PCDHA3: variants seen among roughly 807,000 people sequenced by gnomAD.
PCDHA3 encodes the protein protocadherin alpha-3.
In PCDHA3, 41 loss-of-function variants were observed where a neutral mutation model predicts 62.2. That is an observed-to-expected ratio of 0.66 (90% CI 0.51 to 0.86). The LOEUF (loss-of-function observed/expected upper bound fraction) is 0.86. PCDHA3 is among the 40% of genes least tolerant of loss of function. The probability of loss-of-function intolerance (pLI) is 0.00; values close to 1 mark genes in which losing one functional copy is unlikely to be tolerated. For synonymous variants in PCDHA3, 640 were observed against 555.4 expected, an observed-to-expected ratio of 1.15 and a Z score of -2.14; for missense variants, 1,304 against 1,241.2, an observed-to-expected ratio of 1.05 and a Z score of -0.76.
At chr5:140,865,903 A>G (rs2049042220) in intron 1 of PCDHA3, 1 of 152,134 alleles carries the variant, frequency 6.6e-6, no homozygotes, top group Non-Finnish European at 1.5e-5. Flanking sequence ...GTACAGGCAA[A>G]TCTTTCTTTC....
chr5:140,825,585 G>A (rs1768643956), intron 1 of PCDHA3: 1 of 151,552 alleles, frequency 6.6e-6, no homozygotes, highest in Non-Finnish European at 1.5e-5. Flanking sequence ...CCCACACCTG[G>A]CTAATTTTTT....
intron 1 of PCDHA3, chr5:140,805,292 A>G: frequency 7.9e-7 from 1 of 1,272,422 alleles, no homozygotes; most frequent in Non-Finnish European, 9.9e-7. Context: ...AATGGGTGAA[A>G]ATGGAATTCT....
At chr5:140,856,434 C>G (rs551569829) in intron 1 of PCDHA3, 1 of 1,598,320 alleles carries the variant, frequency 6.3e-7, no homozygotes, top group South Asian at 1.1e-5. Context: ...AACGACAACC[C>G]GCCCAGGTTC....
chr5:140,804,886 C>T, intron 1 of PCDHA3: 2 of 637,768 alleles, frequency 3.1e-6, no homozygotes, highest in South Asian at 5.7e-5. Flanking sequence ...TGACTCCTCT[C>T]CTTCCCCTCA....
In PCDHA3 at chr5:140,803,528, TC is replaced by T. The variant is rs1581662345; in HGVS notation, c.2333del (p.Pro778LeufsTer35). On this transcript the variant is annotated frameshift_variant, in exon 1 of 4. Transcript: ENST00000522353. LOFTEE classifies it high-confidence loss of function. ...DLMAFSPSLP[P>X]CPISRDREEK... ...TCATGGCTTTTAGCCCTAGCCTTCCTCCTTGTCCAATTAGCCGGGATAGAGA... is the reference window on the plus strand; with the variant it reads ...TCATGGCTTTTAGCCCTAGCCTTCCTCTTGTCCAATTAGCCGGGATAGAGA... 6.2e-7 allele frequency: 1 copy of T among 1,614,204 alleles called. No homozygotes were observed. Among genetic ancestry groups the T allele is most frequent in the East Asian group, 2.2e-5 (1 of 44,880 alleles).
At chr5:140,835,823 G>A (rs2150245934) in intron 1 of PCDHA3, 1 of 1,612,580 alleles carries the variant, frequency 6.2e-7, no homozygotes, top group Admixed American at 1.7e-5. Flanking sequence ...TGTCGGCGGG[G>A]GACGCGGACG....
At chr5:140,850,454 C>A (rs2150484793) in intron 1 of PCDHA3, 7 of 1,597,724 alleles carry the variant, frequency 4.4e-6, no homozygotes, top group Non-Finnish European at 5.1e-6. Flanking sequence ...TGGTGAAAGA[C>A]CACGGGGAGC....
At chr5:140,978,800 TATC>T (rs1193658453) in intron 1 of PCDHA3, 146 bp from the exon 2 acceptor site, 56 of 1,480,550 alleles carry the variant, frequency 3.8e-5, no homozygotes, top group Admixed American at 1.1e-4. Context: ...TATATGTAGA[TATC>T]ATCATAGAGT....
intron 1 of PCDHA3, chr5:140,814,941 C>G (rs1405331671): frequency 6.6e-6 from 1 of 152,054 alleles, no homozygotes; most frequent in Non-Finnish European, 1.5e-5. Flanking sequence ...TATATAATGT[C>G]CTTCTTTGTC....
intron 1 of PCDHA3, among the ~76,000 whole-genome samples, chr5:140,921,888 AAGG>A (rs1354196773): frequency 2.0e-5 from 3 of 152,090 alleles, no homozygotes; most frequent in African/African-American, 7.2e-5. Flanking sequence ...AGATTTTAGA[AAGG>A]AGGATAAATA....
At chr5:140,884,433 G>C in intron 1 of PCDHA3, 1 of 1,613,908 alleles carries the variant, frequency 6.2e-7, no homozygotes, top group Non-Finnish European at 8.5e-7. Context: ...ACTGCGCTGC[G>C]GTGCTCGGCA....
intron 1 of PCDHA3, chr5:140,862,600 TTCG>T (rs1554156642): frequency 1.9e-6 from 1 of 513,664 alleles, no homozygotes; most frequent in East Asian, 5.2e-5. Context: ...GTACATGGTG[TTCG>T]TGAAAGGTAA....
chr5:140,836,948 A>G (rs1050611194), intron 1 of PCDHA3: 2 of 442,648 alleles, frequency 4.5e-6, no homozygotes, highest in Non-Finnish European at 7.8e-6. Flanking sequence ...ATCAAAATCT[A>G]TGGTTTATGT....
At chr5:140,840,754 G>A (rs1776856171) in intron 1 of PCDHA3, among the ~76,000 whole-genome samples, 1 of 152,010 alleles carries the variant, frequency 6.6e-6, no homozygotes. Flanking sequence ...AAGAACACAA[G>A]AAGATAAAAT....
intron 1 of PCDHA3, among the ~76,000 whole-genome samples, chr5:140,906,332 T>C (rs2072570393): frequency 6.6e-6 from 1 of 152,186 alleles, no homozygotes; most frequent in Non-Finnish European, 1.5e-5. Context: ...CAACTATCCT[T>C]CATACAACCA....
At chr5:140,903,690 T>C (rs2070508211) in intron 1 of PCDHA3, among the ~76,000 whole-genome samples, 1 of 152,224 alleles carries the variant, frequency 6.6e-6, no homozygotes, top group African/African-American at 2.4e-5. Context: ...TGGTAAATAG[T>C]TTAAAATAGT....
At chr5:140,986,181 G>A (rs531382269) in intron 3 of PCDHA3, among the ~76,000 whole-genome samples, 1 of 152,152 alleles carries the variant, frequency 6.6e-6, no homozygotes, top group Admixed American at 6.6e-5. Flanking sequence ...AACAAGTCAG[G>A]CATTAAATTG....
chr5:140,929,143 T>C (rs2085863317), intron 1 of PCDHA3: 1 of 1,614,234 alleles, frequency 6.2e-7, no homozygotes, highest in Non-Finnish European at 8.5e-7. Context: ...TGAGAGACTT[T>C]CTCAGACTTA....
chr5:140,863,401 CCCACGCTGGTGT>C, intron 1 of PCDHA3: 2 of 854,408 alleles, frequency 2.3e-6, no homozygotes, highest in East Asian at 4.2e-5. Flanking sequence ...GCCGGGCAAG[CCCACGCTGGTGT>C]ACCGCAGCGT....
Sources: gnomAD v4.1 joint callset for allele counts (sites outside exome capture counted in the v4.1 genomes callset) on GRCh38, gnomAD v4.1.1 for gene constraint, MANE v1.5 for transcripts, NCBI Gene and HGNC (gene_info 2026-07-23, HGNC 2026-07-21) for gene names.